Variants in DEAF1 observed in about 807,000 individuals in gnomAD.
The protein encoded by DEAF1 is DEAF1 transcription factor.
Under a neutral mutation model 58.9 loss-of-function variants are expected in DEAF1, and 53 were observed. The observed-to-expected ratio is 0.90, with a 90% CI of 0.72 to 1.13. DEAF1 has a LOEUF of 1.13. DEAF1 is among the 50% of genes most tolerant of loss of function. The pLI, the probability that DEAF1 is intolerant of heterozygous loss-of-function variation, is 0.00. For missense variants in DEAF1, 685 were observed against 791.4 expected, an observed-to-expected ratio of 0.87 and a Z score of 1.61; for synonymous variants, 385 against 340.4, an observed-to-expected ratio of 1.13 and a Z score of -1.44.
At chr11:656,402 C>T (rs1047995819) in intron 10 of DEAF1, among the ~76,000 whole-genome samples, 5 of 152,240 alleles carry the variant, frequency 3.3e-5, no homozygotes, top group Non-Finnish European at 7.3e-5. Flanking sequence ...AGGTGATCCG[C>T]CTGCCTTGGC....
chr11:670,913 T>TCAC (rs1859791416), intron 10 of DEAF1, among the ~76,000 whole-genome samples: 1 of 139,976 alleles, frequency 7.1e-6, no homozygotes, highest in African/African-American at 2.7e-5. Flanking sequence ...GACTGGCATG[T>TCAC]CACCACACCT....
intron 1 of DEAF1, among the ~76,000 whole-genome samples, 172 bp from the exon 2 acceptor site, chr11:691,770 T>C (rs1256935937): frequency 6.6e-6 from 1 of 152,162 alleles, no homozygotes. Context: ...TATTCCATTG[T>C]CTAAGTCATT....
At chr11:668,837 T>C (rs945496269) in intron 10 of DEAF1, among the ~76,000 whole-genome samples, 9 of 151,932 alleles carry the variant, frequency 5.9e-5, no homozygotes, top group Non-Finnish European at 1.0e-4. Flanking sequence ...AGTTTTTTGT[T>C]TTTTTTTAGA....
At chr11:679,616 T>C (rs1410032691) in intron 8 of DEAF1, 72 bp downstream of exon 8, 1 of 1,598,698 alleles carries the variant, frequency 6.3e-7, no homozygotes, top group African/African-American at 1.3e-5. Context: ...CAGCCCAATG[T>C]GGCGTCGGGG....
rs1859972584 is a variant in DEAF1, at chr11:674,600, GC to G, written c.1438del (p.Ala480ProfsTer33). 1.2e-6 allele frequency: 2 copies of G among 1,614,036 alleles called. No homozygotes were observed. The highest frequency in any genetic ancestry group is 2.7e-5 in the African/African-American group (2 of 74,926). ...LKTLFEQAKHASTYREAATNQ... is the reference protein window; with the variant it reads ...LKTLFEQAKHXSTYREAATNQ... ...TGTGGCAGCTTCTCGGTAGGTGCTG[GC>G]ATGCTTGGCTTGCTCAAACAGCGTC... On this transcript the variant is annotated frameshift_variant, in exon 10 of 12. Coordinates refer to ENST00000382409, the MANE Select transcript of DEAF1 (RefSeq NM_021008.4). LOFTEE classifies it high-confidence loss of function.
chr11:675,950 ACGCAGCCTGACATCC>A (rs1860034347), intron 9 of DEAF1, among the ~76,000 whole-genome samples: 1 of 43,776 alleles, frequency 2.3e-5, no homozygotes. Context: ...ATCCCCCAGC[ACGCAGCCTGACATCC>A]CCCGGCACCC....
upstream of DEAF1, among the ~76,000 whole-genome samples, chr11:696,364 A>C (rs555421072): frequency 2.6e-5 from 4 of 152,204 alleles, no homozygotes; most frequent in Non-Finnish European, 4.4e-5. Flanking sequence ...TGAAGTGCCA[A>C]ACCTTCGTGC....
rs568199233 is a variant in DEAF1 at position 705,374 on chromosome 11, C to G, written c.-438+1198G>C. The G allele has an allele frequency of 1.9e-5, 3 of 154,540 alleles. No homozygotes were observed. The South Asian group carries it at 6.1e-4, about 32-fold the overall frequency. The allele number at this position is 154,540 out of a possible 1,614,324, so 9.6% of individuals were successfully genotyped here. A position where few individuals can be genotyped will look rare whatever the true frequency, so the allele number is the denominator to read the frequency against. On this transcript the variant is annotated intron_variant, in intron 1 of 11. Coordinates refer to the DEAF1 transcript ENST00000683307. ...GCACCCTGGCCCTGTTCTGAGCGGT[C>G]ACAGCAGCTGGGGAGAAGGGCCATC...
In DEAF1 at chr11:680,237, CA is replaced by C. The variant is rs1219826140; in HGVS notation, c.998-422del. 5.9e-5 allele frequency among the ~76,000 whole-genome samples: 9 copies of C among 151,666 alleles called. No individual in the cohort carries two copies. The East Asian group carries it at 1.7e-3, about 29-fold the overall frequency. The stretch of plus-strand genomic sequence containing the variant: ...CCACAGCAAGGCTGCCTCTCCAGCT[CA>C]AAAAAAAATCCTGGCGACAGATCTT... On this transcript the variant is annotated intron_variant, in intron 7 of 11. Coordinates refer to ENST00000382409, the MANE Select transcript of DEAF1 (RefSeq NM_021008.4).
chr11:680,835 G>T, intron 7 of DEAF1, 128 bp downstream of exon 7: 1 of 1,374,748 alleles, frequency 7.3e-7, no homozygotes, highest in Non-Finnish European at 1.0e-6. Context: ...TGATGGCGTT[G>T]GAATCCCTCT....
upstream of DEAF1, chr11:699,010 G>A: frequency 8.3e-7 from 1 of 1,202,156 alleles, no homozygotes; most frequent in Non-Finnish European, 1.2e-6. Context: ...CTTTGGAGAG[G>A]GGGGTGTTCC....
intron 11 of DEAF1, 107 bp downstream of exon 11, chr11:653,855 G>A (rs1283838234): frequency 2.1e-6 from 2 of 954,382 alleles, no homozygotes; most frequent in African/African-American, 1.6e-5. Flanking sequence ...GGACAGGGAG[G>A]GGAGTCAGGT....
At chr11:672,201 G>C (rs927863698) in intron 10 of DEAF1, among the ~76,000 whole-genome samples, 4 of 152,068 alleles carry the variant, frequency 2.6e-5, no homozygotes, top group Non-Finnish European at 4.4e-5. Context: ...TGCTTGTCTG[G>C]TAGAATCCGT....
intron 1 of DEAF1, chr11:703,244 A>G: frequency 6.8e-7 from 1 of 1,462,686 alleles, no homozygotes; most frequent in East Asian, 2.5e-5. Context: ...CAGGAAGGGC[A>G]CTTTTCCTAG....
At chr11:696,213 C>T (rs1292830087), upstream of DEAF1, among the ~76,000 whole-genome samples, 1 of 152,116 alleles carries the variant, frequency 6.6e-6, no homozygotes, top group Non-Finnish European at 1.5e-5. Context: ...AAATCGCGGG[C>T]GCCGGTGCCT....
chr11:697,321 A>G (rs145526423), upstream of DEAF1, among the ~76,000 whole-genome samples: 1 of 152,314 alleles, frequency 6.6e-6, no homozygotes, highest in African/African-American at 2.4e-5. Context: ...CAGGGAAAAC[A>G]CTTGTTCTCT....
At chr11:685,673 C>T (rs925576927) in intron 5 of DEAF1, among the ~76,000 whole-genome samples, 1 of 151,202 alleles carries the variant, frequency 6.6e-6, no homozygotes, top group African/African-American at 2.4e-5. Context: ...CCAGCCTGGG[C>T]AACAGAGGGA....
chr11:661,570 C>T (rs528502117), intron 10 of DEAF1, among the ~76,000 whole-genome samples: 7 of 152,016 alleles, frequency 4.6e-5, no homozygotes, highest in Non-Finnish European at 1.0e-4. Flanking sequence ...ATTAGCCAGG[C>T]GTGGTGGCAA....
rs765072964 is a variant in DEAF1 at position 702,981 on chromosome 11, T to C, written c.-438+3591A>G. ...AACCTGACAGAGGCTGAGAGGCCGC[T>C]GGCCGCCAGCCTGGCCCTCACGGCT... On this transcript the variant is annotated intron_variant, in intron 1 of 11. Transcript: ENST00000683307. 8 of 1,610,326 alleles carry C rather than the reference T, an allele frequency of 5.0e-6. No homozygotes were observed. In the Admixed American group the frequency reaches 8.3e-5, roughly 17 times the overall value.
Sources: allele counts gnomAD v4.1 joint callset (sites outside exome capture counted in the v4.1 genomes callset), GRCh38; gene constraint gnomAD v4.1.1; transcripts MANE v1.5; gene names NCBI Gene and HGNC (gene_info 2026-07-23, HGNC 2026-07-21).